The following SRGAP3 variants were observed in gnomAD, a reference collection of about 807,000 sequenced individuals.
SRGAP3 encodes the protein SLIT-ROBO Rho GTPase activating protein 3.
In SRGAP3, 39 loss-of-function variants were observed where a neutral mutation model predicts 121.1. That is an observed-to-expected ratio of 0.32 (90% CI 0.25 to 0.42). The LOEUF is 0.42. SRGAP3 is among the 10% of genes least tolerant of loss of function. The probability of loss-of-function intolerance (pLI) is 1.00; values close to 1 mark genes in which losing one functional copy is unlikely to be tolerated. For synonymous variants in SRGAP3, 601 were observed against 570.0 expected, an observed-to-expected ratio of 1.05 and a Z score of -0.77; for missense variants, 1,213 against 1,470.6, an observed-to-expected ratio of 0.82 and a Z score of 2.86.
intron 1 of SRGAP3, among the ~76,000 whole-genome samples, chr3:9,131,448 T>C (rs1430288640): frequency 2.1e-5 from 3 of 144,632 alleles, no homozygotes; most frequent in Non-Finnish European, 4.5e-5. Context: ...TTTTTTTTTT[T>C]TTTTTTTTGA....
intron 18 of SRGAP3, among the ~76,000 whole-genome samples, chr3:8,995,180 G>A (rs1440963635): frequency 6.6e-6 from 1 of 152,192 alleles, no homozygotes; most frequent in Non-Finnish European, 1.5e-5. Flanking sequence ...GTCTTTATAA[G>A]AGGAGCAGAG....
At chr3:9,015,857 C>A (rs763004967) in intron 14 of SRGAP3, 126 bp from the exon 15 acceptor site, 8 of 1,078,406 alleles carry the variant, frequency 7.4e-6, no homozygotes, top group Admixed American at 1.9e-5. Flanking sequence ...AAGTCTCCCC[C>A]ACATATGAGG....
rs1028160691 is a variant in SRGAP3 at position 9,037,722 on chromosome 3, A to T, written c.1436+341T>A. ...CAGGTGGGAAGAGAGGTCAACAGCC[A>T]CCCCACAGCCTCTGGCCCCTACAGG... is the stretch of plus-strand genomic sequence containing the variant. On this transcript the variant is annotated intron_variant, in intron 11 of 21. Coordinates refer to ENST00000383836, the MANE Select transcript of SRGAP3 (RefSeq NM_014850.4). 3 of 401,630 alleles carry T rather than the reference A, an allele frequency of 7.5e-6. No individual in the cohort carries two copies. In the South Asian group the frequency reaches 8.7e-5, roughly 12 times the overall value. 24.9% of individuals were successfully genotyped at this position (401,630 alleles called of 1,614,324 possible).
At chr3:9,193,154 G>A (rs1951810926) in intron 1 of SRGAP3, 1 of 152,246 alleles carries the variant, frequency 6.6e-6, no homozygotes, top group Non-Finnish European at 1.5e-5. Flanking sequence ...TGGGCAATTG[G>A]AGGGATGATG....
intron 4 of SRGAP3, among the ~76,000 whole-genome samples, chr3:9,074,645 C>G (rs1303834977): frequency 6.6e-6 from 1 of 152,252 alleles, no homozygotes; most frequent in Non-Finnish European, 1.5e-5. Flanking sequence ...GGGACCAGAA[C>G]TCAGGCTCCT....
intron 8 of SRGAP3, among the ~76,000 whole-genome samples, chr3:9,054,990 G>C (rs1945750745): frequency 6.6e-6 from 1 of 152,134 alleles, no homozygotes; most frequent in Non-Finnish European, 1.5e-5. Context: ...CTTTGGCCCT[G>C]ATTTCCAATT....
Position 8,982,609 on chromosome 3 carries a change from T to C in SRGAP3, c.*2910A>G, listed in dbSNP as rs1941475436. 4.6e-6 allele frequency: 1 copy of C among 215,946 alleles called. No individual in the cohort carries two copies. The highest frequency in any genetic ancestry group is 9.2e-6 in the Non-Finnish European group (1 of 109,086). The allele number at this position is 215,946 out of a possible 1,614,324, so 13.4% of individuals were successfully genotyped here. A position where few individuals can be genotyped will look rare whatever the true frequency, so the allele number is the denominator to read the frequency against. On this transcript the variant is annotated 3_prime_UTR_variant, in exon 22 of 22. Coordinates refer to ENST00000383836, the MANE Select transcript of SRGAP3 (RefSeq NM_014850.4). ...TATAGTGGACTAAAACAGGCAGGAG[T>C]CAGAAAGAGAAAGCCAATGTTCAGT... is the stretch of plus-strand genomic sequence containing the variant.
chr3:9,174,949 G>C (rs1386546189), intron 1 of SRGAP3, among the ~76,000 whole-genome samples: 1 of 152,182 alleles, frequency 6.6e-6, no homozygotes, highest in Non-Finnish European at 1.5e-5. Context: ...ACACCAGGGA[G>C]GCGTCATTCC....
chr3:9,358,455 C>G (rs896758003), intron 1 of SRGAP3, among the ~76,000 whole-genome samples: 4 of 152,182 alleles, frequency 2.6e-5, no homozygotes, highest in African/African-American at 4.8e-5. Context: ...CCTCTGCTCT[C>G]ACACCAACAC....
chr3:9,078,069 T>C (rs1575037350), intron 4 of SRGAP3, among the ~76,000 whole-genome samples: 1 of 152,048 alleles, frequency 6.6e-6, no homozygotes, highest in Non-Finnish European at 1.5e-5. Context: ...AGCCGAGAGG[T>C]AATAACATTC....
rs375544757 is a variant in SRGAP3, at chr3:9,065,032, G to T, written c.487-451C>A. ...CATCCCTCCGTCTCCTCCCAGTGCC[G>T]CGGGGAAAGCCCCTCCTCCCACACC... On this transcript the variant is annotated intron_variant, in intron 4 of 21. Coordinates refer to ENST00000383836, the MANE Select transcript of SRGAP3 (RefSeq NM_014850.4). 3.9e-5 allele frequency among the ~76,000 whole-genome samples: 6 copies of T among 152,152 alleles called. No individual in the cohort carries two copies. The South Asian group carries it at 6.2e-4, about 16-fold the overall frequency.
intron 1 of SRGAP3, among the ~76,000 whole-genome samples, chr3:9,141,403 G>A (rs1949841430): frequency 6.6e-6 from 1 of 152,168 alleles, no homozygotes; most frequent in Admixed American, 6.5e-5. Context: ...CTACTGCATG[G>A]GATGGAAAGC....
chr3:9,074,808 T>C (rs1328801900), intron 4 of SRGAP3, among the ~76,000 whole-genome samples: 1 of 152,222 alleles, frequency 6.6e-6, no homozygotes, highest in African/African-American at 2.4e-5. Context: ...AAGTCAAAGG[T>C]AGAGTGATTC....
intron 1 of SRGAP3, among the ~76,000 whole-genome samples, chr3:9,221,570 T>A (rs1348616224): frequency 1.3e-5 from 2 of 152,194 alleles, no homozygotes; most frequent in Non-Finnish European, 1.5e-5. Context: ...AAAAATTTTT[T>A]AAATAAAGTT....
intron 12 of SRGAP3, among the ~76,000 whole-genome samples, chr3:9,030,694 C>CT (rs1944442215): frequency 6.6e-6 from 1 of 152,280 alleles, no homozygotes; most frequent in African/African-American, 2.4e-5. Context: ...TACGAAAATA[C>CT]TTAACTCAAC....
chr3:9,032,698 TGA>T lies in SRGAP3; in HGVS notation c.1489_1490del (p.Tyr499Ter). 1 of 1,612,500 alleles carries T rather than the reference TGA, an allele frequency of 6.2e-7. No individual in the cohort carries two copies. Among genetic ancestry groups the T allele is most frequent in the Non-Finnish European group, 8.5e-7 (1 of 1,179,594 alleles). On this transcript the variant is annotated frameshift_variant, in exon 12 of 22. Coordinates refer to ENST00000383836, the MANE Select transcript of SRGAP3 (RefSeq NM_014850.4). LOFTEE classifies it high-confidence loss of function. ...PQKMRRPRPL[S>X]VYSHKLFNGS... is the part of the protein sequence containing the mutation. ...CGTTAAAGAGTTTATGGCTATACAC[TGA>T]GAGAGGCCTAGGTCTCCTCATTTTC... is the stretch of plus-strand genomic sequence containing the variant.
intron 1 of SRGAP3, among the ~76,000 whole-genome samples, chr3:9,231,379 T>G (rs1284829695): frequency 6.6e-6 from 1 of 152,238 alleles, no homozygotes; most frequent in Non-Finnish European, 1.5e-5. Flanking sequence ...GATGGAAGGA[T>G]GCGGTTCTGT....
At chr3:9,169,982 C>T (rs1950918595) in intron 1 of SRGAP3, among the ~76,000 whole-genome samples, 1 of 152,158 alleles carries the variant, frequency 6.6e-6, no homozygotes, top group Admixed American at 6.5e-5. Context: ...AACTGGGAGA[C>T]AGTACACCTA....
rs768460048 is a variant in SRGAP3 at position 9,047,493 on chromosome 3, C to T, written c.1324-18G>A. On this transcript the variant is annotated intron_variant, in intron 9 of 21. Coordinates refer to ENST00000383836, the MANE Select transcript of SRGAP3 (RefSeq NM_014850.4). ...TTAAATTTCTGTAAGACACAAGGCA[C>T]AAGGAAGTTATAGATTGCAAGGCCG... 1.9e-6 allele frequency: 3 copies of T among 1,613,396 alleles called. No individual in the cohort carries two copies. The South Asian group carries it at 3.3e-5, about 18-fold the overall frequency.
Sources: allele counts gnomAD v4.1 joint callset (sites outside exome capture counted in the v4.1 genomes callset), GRCh38; gene constraint gnomAD v4.1.1; transcripts MANE v1.5; gene names NCBI Gene and HGNC (gene_info 2026-07-23, HGNC 2026-07-21).